Variants in FNDC3A observed in about 807,000 individuals in gnomAD.
The protein encoded by FNDC3A is fibronectin type-III domain-containing protein 3A.
A neutral mutation model predicts 148.9 loss-of-function variants in FNDC3A; 32 were observed. That is an observed-to-expected ratio of 0.21 (90% confidence interval 0.16 to 0.29). The LOEUF (loss-of-function observed/expected upper bound fraction) is 0.29, where lower values mean the gene tolerates loss of function less well. FNDC3A is among the 10% of genes least tolerant of loss of function. The probability of loss-of-function intolerance (pLI) is 1.00; values close to 1 mark genes in which losing one functional copy is unlikely to be tolerated. For synonymous variants in FNDC3A, 472 were observed against 473.6 expected (o/e 1.00, Z 0.04); for missense variants, 1,191 against 1,452.8 (o/e 0.82, Z 2.93).
intron 1 of FNDC3A, among the ~76,000 whole-genome samples, chr13:48,986,702 G>T (rs951092345): frequency 4.0e-5 from 6 of 151,822 alleles, no homozygotes; most frequent in African/African-American, 1.5e-4. Context: ...GGCCCGGAAG[G>T]TTTTTTTAAA....
At chr13:49,052,475 T>C (rs756603836) in intron 2 of FNDC3A, among the ~76,000 whole-genome samples, 15 of 152,178 alleles carry the variant, frequency 9.9e-5, no homozygotes, top group Non-Finnish European at 2.1e-4. Context: ...GTGGAGGTAC[T>C]GGGCTCCAGA....
intron 2 of FNDC3A, among the ~76,000 whole-genome samples, chr13:49,048,943 G>T (rs1254317150): frequency 6.6e-6 from 1 of 152,122 alleles, no homozygotes; most frequent in African/African-American, 2.4e-5. Flanking sequence ...TATAATGTTG[G>T]CTGTGGGTTT....
At chr13:49,069,945 T>C (rs1225727022) in intron 2 of FNDC3A, among the ~76,000 whole-genome samples, 1 of 152,116 alleles carries the variant, frequency 6.6e-6, no homozygotes, top group Non-Finnish European at 1.5e-5. Context: ...TGGTTAACTC[T>C]CAAGGGAAAA....
intron 2 of FNDC3A, among the ~76,000 whole-genome samples, chr13:49,056,679 CAA>C (rs1876270873): frequency 6.6e-6 from 1 of 152,152 alleles, no homozygotes; most frequent in African/African-American, 2.4e-5. Flanking sequence ...TACTGGGATT[CAA>C]TATGCTGTTT....
chr13:48,997,731 T>G (rs1027582391), intron 1 of FNDC3A, among the ~76,000 whole-genome samples: 2 of 152,166 alleles, frequency 1.3e-5, no homozygotes, highest in Non-Finnish European at 2.9e-5. Flanking sequence ...ATTATGTCTG[T>G]TGTTTAAAGC....
At chr13:49,204,522 TTTTC>T (rs985785659) in intron 25 of FNDC3A, among the ~76,000 whole-genome samples, 2 of 152,228 alleles carry the variant, frequency 1.3e-5, no homozygotes, top group African/African-American at 4.8e-5. Flanking sequence ...ATGCAATTGT[TTTTC>T]TTTATTAAGC....
intron 8 of FNDC3A, among the ~76,000 whole-genome samples, chr13:49,153,241 G>T (rs1162484006): frequency 2.0e-5 from 3 of 151,498 alleles, no homozygotes; most frequent in African/African-American, 7.3e-5. Flanking sequence ...TCTCATTGTG[G>T]TTTTGATTTG....
chr13:49,097,636 C>G (rs577765314), intron 3 of FNDC3A, among the ~76,000 whole-genome samples: 6 of 152,158 alleles, frequency 3.9e-5, no homozygotes, highest in African/African-American at 1.4e-4. Context: ...TTGGGAGAAC[C>G]TACAGCAGGA....
chr13:49,108,856 A>G (rs1880368594), intron 3 of FNDC3A, among the ~76,000 whole-genome samples: 2 of 152,162 alleles, frequency 1.3e-5, no homozygotes, highest in Non-Finnish European at 2.9e-5. Context: ...TTTTGAAGTT[A>G]ACAATTACCT....
At chr13:49,206,957 A>T in intron 25 of FNDC3A, 124 bp from the exon 26 acceptor site, 1 of 665,338 alleles carries the variant, frequency 1.5e-6, no homozygotes, top group Non-Finnish European at 2.6e-6. Context: ...CATGTCATTT[A>T]AAAGATAAAA....
chr13:49,011,867 A>G (rs1006805954), intron 2 of FNDC3A, among the ~76,000 whole-genome samples: 2 of 152,220 alleles, frequency 1.3e-5, no homozygotes, highest in South Asian at 4.1e-4. Context: ...TTCTAAAAAT[A>G]TATTCTAAAA....
chr13:49,072,975 T>C (rs984636326), intron 2 of FNDC3A, among the ~76,000 whole-genome samples: 6 of 152,204 alleles, frequency 3.9e-5, no homozygotes, highest in African/African-American at 1.4e-4. Context: ...GCCTAATTTC[T>C]CTGGCTGGAT....
At chr13:49,106,979 A>G (rs948929746) in intron 3 of FNDC3A, among the ~76,000 whole-genome samples, 1 of 152,178 alleles carries the variant, frequency 6.6e-6, no homozygotes, top group African/African-American at 2.4e-5. Context: ...ATTATTTTTA[A>G]AAGAAAGGTA....
At chr13:49,028,040 C>A (rs1414636652) in intron 2 of FNDC3A, among the ~76,000 whole-genome samples, 1 of 151,984 alleles carries the variant, frequency 6.6e-6, no homozygotes, top group Non-Finnish European at 1.5e-5. Context: ...TGGCGAAATC[C>A]TGTGTCTACT....
At chr13:49,175,886 A>G (rs576955243) in intron 13 of FNDC3A, among the ~76,000 whole-genome samples, 2 of 152,266 alleles carry the variant, frequency 1.3e-5, no homozygotes, top group East Asian at 3.9e-4. Context: ...TACCTAGTTT[A>G]TTGAGAGTTT....
At chr13:49,090,871 G>A (rs1247489629) in intron 3 of FNDC3A, among the ~76,000 whole-genome samples, 2 of 152,144 alleles carry the variant, frequency 1.3e-5, no homozygotes, top group Non-Finnish European at 2.9e-5. Flanking sequence ...GTGTATGCCT[G>A]TAGTCCCAGC....
At chr13:49,167,222 T>C in intron 8 of FNDC3A, 22 bp from the exon 9 acceptor site, 4 of 1,506,004 alleles carry the variant, frequency 2.7e-6, no homozygotes, top group Non-Finnish European at 3.7e-6. Context: ...TCAGACATGA[T>C]ATATTACCCT....
At chr13:49,201,139 C>A in intron 23 of FNDC3A, 1 of 293,092 alleles carries the variant, frequency 3.4e-6, no homozygotes, top group Non-Finnish European at 6.8e-6. Context: ...TTAGAAACAT[C>A]CAATCAAAAA....
At chr13:49,041,344 A>T (rs1250845538) in intron 2 of FNDC3A, among the ~76,000 whole-genome samples, 1 of 152,192 alleles carries the variant, frequency 6.6e-6, no homozygotes, top group Non-Finnish European at 1.5e-5. Context: ...TCTCTGCCAT[A>T]CCATGAAGGC....
Sources: gnomAD v4.1 joint callset for allele counts (sites outside exome capture counted in the v4.1 genomes callset) on GRCh38, gnomAD v4.1.1 for gene constraint, MANE v1.5 for transcripts, NCBI Gene and HGNC (gene_info 2026-07-23, HGNC 2026-07-21) for gene names.